The following SYNE1 variants were observed in gnomAD, a reference collection of about 807,000 sequenced individuals.
SYNE1 encodes the protein nesprin-1.
SYNE1 carries 616 observed loss-of-function variants against 1,111.0 expected under a neutral mutation model. The ratio of observed to expected loss-of-function variants is 0.55; its 90% CI spans 0.52 to 0.59. The LOEUF is 0.59. SYNE1 is among the 20% of genes least tolerant of loss of function. The pLI is 0.00. For synonymous variants in SYNE1, 3,855 were observed against 3,825.8 expected, an observed-to-expected ratio of 1.01 and a Z score of -0.28; for missense variants, 10,006 against 10,417.0, an observed-to-expected ratio of 0.96 and a Z score of 1.72.
intron 48 of SYNE1, among the ~76,000 whole-genome samples, chr6:152,398,968 T>C (rs867086790): frequency 6.6e-6 from 1 of 152,218 alleles, no homozygotes; most frequent in South Asian, 2.1e-4. Flanking sequence ...TAAAAAGAAA[T>C]GTATGTTCCT....
At position 152,460,799 on chromosome 6, in the gene SYNE1, C is replaced by CTT. The variant is rs869295894; in HGVS notation, c.2394+796_2394+797dup. ...CAGAAAAGGTATAAATGTATATAATCTTTTTTTTTTTTTTTTTTTTTTTTT... is the reference window on the plus strand; with the variant it reads ...CAGAAAAGGTATAAATGTATATAATCTTTTTTTTTTTTTTTTTTTTTTTTTTT... On this transcript the variant is annotated intron_variant, in intron 21 of 145. Transcript: ENST00000367255. 4.6e-4 allele frequency among the ~76,000 whole-genome samples: 31 copies of CTT among 67,604 alleles called. 1 individual carries two copies. The highest frequency in any genetic ancestry group is 5.3e-4 in the Non-Finnish European group (20 of 37,960). The allele number at this position is 67,604 out of a possible 152,430, so 44.4% of individuals were successfully genotyped here.
rs779313924 is a variant in SYNE1, at chr6:152,321,866, G to C, written c.15938C>G (p.Thr5313Ser). Residue 5313 changes from threonine (T) to serine (S), a missense_variant, in exon 83 of 146, where the codon ACT (threonine) becomes AGT (serine). Coordinates refer to ENST00000367255, the MANE Select transcript of SYNE1 (RefSeq NM_182961.4). Reference protein sequence around the residue: ...RCLNMQEKVKTNGKLVKQELK... With the variant: ...RCLNMQEKVKSNGKLVKQELK... Reference sequence around the variant, plus strand: ...CTCTTGCTTCACCAACTTTCCATTAGTCTTCACTTTCTCCTGCATGCTTCA... The same window carrying C: ...CTCTTGCTTCACCAACTTTCCATTACTCTTCACTTTCTCCTGCATGCTTCA... The C allele has an allele frequency of 2.0e-5, 32 of 1,613,842 alleles. No individual in the cohort carries two copies. The highest frequency in any genetic ancestry group is 3.3e-5 in the Admixed American group (2 of 59,986).
chr6:152,475,894 G>C (rs1313180958), intron 14 of SYNE1, among the ~76,000 whole-genome samples: 4 of 152,286 alleles, frequency 2.6e-5, no homozygotes, highest in Middle Eastern at 6.8e-3. Context: ...AAGGATCACT[G>C]TGGCAATTCT....
chr6:152,238,770 A>G (rs1040356853), intron 108 of SYNE1, among the ~76,000 whole-genome samples: 2 of 152,052 alleles, frequency 1.3e-5, no homozygotes, highest in Non-Finnish European at 2.9e-5. Context: ...AAGAAAGGGG[A>G]CTGTTCCATC....
At chr6:152,248,198 T>C (rs2088000279) in intron 105 of SYNE1, among the ~76,000 whole-genome samples, 1 of 152,188 alleles carries the variant, frequency 6.6e-6, no homozygotes, top group South Asian at 2.1e-4. Flanking sequence ...CATTTTTACC[T>C]GCAAACATCC....
At chr6:152,189,180 C>A in intron 128 of SYNE1, 72 bp downstream of exon 128, 1 of 1,554,172 alleles carries the variant, frequency 6.4e-7, no homozygotes. Context: ...TGTGGGTTAA[C>A]CCATCTGACG....
intron 3 of SYNE1, among the ~76,000 whole-genome samples, chr6:152,560,259 G>A (rs960341647): frequency 3.3e-5 from 5 of 152,160 alleles, no homozygotes; most frequent in South Asian, 2.1e-4. Flanking sequence ...CCAGCTACTC[G>A]GGAGGCTGAG....
At chr6:152,541,720 C>T (rs2099270913) in intron 3 of SYNE1, among the ~76,000 whole-genome samples, 1 of 139,296 alleles carries the variant, frequency 7.2e-6, no homozygotes, top group Non-Finnish European at 1.5e-5. Context: ...TGCACTCCAG[C>T]CTGGGCGTCA....
intron 3 of SYNE1, among the ~76,000 whole-genome samples, chr6:152,559,517 T>C (rs1175015351): frequency 1.3e-5 from 2 of 151,980 alleles, no homozygotes; most frequent in Non-Finnish European, 2.9e-5. Flanking sequence ...TATGTGGAAA[T>C]TAAACAATTC....
At chr6:152,240,790 A>G (rs538577995) in intron 107 of SYNE1, among the ~76,000 whole-genome samples, 1 of 152,218 alleles carries the variant, frequency 6.6e-6, no homozygotes, top group Admixed American at 6.5e-5. Flanking sequence ...GCCCAAGGTC[A>G]CATAGCTAGT....
intron 142 of SYNE1, chr6:152,134,846 G>A: frequency 4.3e-6 from 2 of 470,070 alleles, no homozygotes; most frequent in Non-Finnish European, 7.6e-6. Flanking sequence ...AATTAAGATT[G>A]CTTGAGAACA....
intron 42 of SYNE1, among the ~76,000 whole-genome samples, chr6:152,412,116 C>T (rs1003438768): frequency 2.0e-5 from 3 of 152,144 alleles, no homozygotes. Flanking sequence ...AGTGGAATAT[C>T]CAGCTATAAA....
chr6:152,594,312 G>C (rs1382704775), intron 3 of SYNE1, among the ~76,000 whole-genome samples: 2 of 152,200 alleles, frequency 1.3e-5, no homozygotes, highest in Non-Finnish European at 1.5e-5. Context: ...ATCACCTCAT[G>C]TGCAGGAACA....
chr6:152,142,467 C>T (rs1290700510), intron 138 of SYNE1, among the ~76,000 whole-genome samples: 2 of 152,176 alleles, frequency 1.3e-5, no homozygotes, highest in Non-Finnish European at 2.9e-5. Flanking sequence ...TAATAGGCAT[C>T]AAGGGACTAA....
chr6:152,405,504 A>T (rs184101854), intron 45 of SYNE1, among the ~76,000 whole-genome samples: 2 of 152,374 alleles, frequency 1.3e-5, no homozygotes, highest in East Asian at 3.9e-4. Flanking sequence ...CAGTAGTGAT[A>T]TGTAGAAGAA....
chr6:152,383,520 G>A (rs77226975), intron 55 of SYNE1, among the ~76,000 whole-genome samples: 3,722 of 152,030 alleles, frequency 0.024, 142 homozygotes, highest in African/African-American at 0.085. Context: ...CTGTGATGGC[G>A]ACCACCTTCT....
chr6:152,238,944 GC>G (rs2084876285), intron 108 of SYNE1, among the ~76,000 whole-genome samples: 1 of 151,452 alleles, frequency 6.6e-6, no homozygotes, highest in South Asian at 2.1e-4. Flanking sequence ...CGTTGCCCAG[GC>G]TGGAGTGCAA....
At chr6:152,192,835 T>C (rs2072929359) in intron 127 of SYNE1, among the ~76,000 whole-genome samples, 1 of 152,180 alleles carries the variant, frequency 6.6e-6, no homozygotes, top group Admixed American at 6.5e-5. Context: ...TTGTGTCTTT[T>C]TATAGTTTTT....
At position 152,170,936 on chromosome 6, in the gene SYNE1, G is replaced by A. The variant is rs140642254; in HGVS notation, c.23627+5458C>T. On this transcript the variant is annotated intron_variant, in intron 130 of 145. Transcript: ENST00000367255. Reference sequence around the variant, plus strand: ...TCCCCCAGACTGTTCTTGTGGTAGCGAATAAATCTCATGAGATCTGATGAT... The same window carrying A: ...TCCCCCAGACTGTTCTTGTGGTAGCAAATAAATCTCATGAGATCTGATGAT... Among the ~76,000 whole-genome samples, 10 of 152,256 alleles carry A rather than the reference G, an allele frequency of 6.6e-5. No individual in the cohort carries two copies. The East Asian group carries it at 1.2e-3, about 18-fold the overall frequency.
Sources: gnomAD v4.1 joint callset for allele counts (sites outside exome capture counted in the v4.1 genomes callset) on GRCh38, gnomAD v4.1.1 for gene constraint, MANE v1.5 for transcripts, NCBI Gene and HGNC (gene_info 2026-07-23, HGNC 2026-07-21) for gene names.